Variants in ZBTB10 observed in about 807,000 individuals in gnomAD.
ZBTB10 encodes the protein zinc finger and BTB domain containing 10.
Under a neutral mutation model 76.4 loss-of-function variants are expected in ZBTB10, and 32 were observed. That is an observed-to-expected ratio of 0.42 (90% CI 0.32 to 0.56). The LOEUF is 0.56. ZBTB10 is among the 20% of genes least tolerant of loss of function. The pLI is 0.14. For synonymous variants in ZBTB10, 523 were observed against 432.9 expected, an observed-to-expected ratio of 1.21 and a Z score of -2.58; for missense variants, 1,057 against 1,098.5, an observed-to-expected ratio of 0.96 and a Z score of 0.53.
chr8:80,497,472 T>G (rs201825922), intron 1 of ZBTB10, among the ~76,000 whole-genome samples: 85 of 116,610 alleles, frequency 7.3e-4, no homozygotes, highest in Admixed American at 1.1e-3. Context: ...TATTATATGG[T>G]GGGGGGGGGC....
In ZBTB10 at chr8:80,525,514, C is replaced by T. The variant is rs1816544243; in HGVS notation, c.*5986C>T. The T allele has an allele frequency of 6.6e-6, 1 of 152,072 alleles. No individual in the cohort carries two copies. The highest frequency in any genetic ancestry group is 2.1e-4 in the South Asian group (1 of 4,824). The allele number at this position is 152,072 out of a possible 1,614,324, so 9.4% of individuals were successfully genotyped here. A position where few individuals can be genotyped will look rare whatever the true frequency, so the allele number is the denominator to read the frequency against. Reference sequence around the variant, plus strand: ...TAAACACAAGACAGTCTTCTTGGCGCAGGTCCTAACAGTTGGTGAGATAAT... The same window carrying T: ...TAAACACAAGACAGTCTTCTTGGCGTAGGTCCTAACAGTTGGTGAGATAAT... On this transcript the variant is annotated 3_prime_UTR_variant, in exon 6 of 6. Transcript: ENST00000455036.
chr8:80,511,600 G>C (rs1407725590), intron 2 of ZBTB10, among the ~76,000 whole-genome samples: 2 of 152,124 alleles, frequency 1.3e-5, no homozygotes, highest in Non-Finnish European at 2.9e-5. Flanking sequence ...CCATTCTCCC[G>C]CCTCAGCCTC....
chr8:80,493,203 G>GCACA lies in ZBTB10; in HGVS notation c.972+5422_972+5423insACAC, dbSNP rs1184343848. On this transcript the variant is annotated intron_variant, in intron 1 of 5. Coordinates refer to ENST00000455036, the MANE Select transcript of ZBTB10 (RefSeq NM_001105539.3). Reference sequence around the variant, plus strand: ...AGACTGTGCCTCAAAACGCGCGCGCGCGCGCACACACACACACACACACAC... The same window carrying GCACA: ...AGACTGTGCCTCAAAACGCGCGCGCGCACACGCGCACACACACACACACACACAC... Among the ~76,000 whole-genome samples, 24 of 107,824 alleles carry GCACA rather than the reference G, an allele frequency of 2.2e-4. No individual in the cohort carries two copies. In the East Asian group the frequency reaches 2.7e-3, roughly 12 times the overall value. 70.7% of individuals were successfully genotyped at this position (107,824 alleles called of 152,430 possible). A position where few individuals can be genotyped will look rare whatever the true frequency, so the allele number is the denominator to read the frequency against.
At chr8:80,500,525 A>G in intron 2 of ZBTB10, 143 bp downstream of exon 2, 2 of 828,210 alleles carry the variant, frequency 2.4e-6, no homozygotes, top group Non-Finnish European at 3.6e-6. Flanking sequence ...CGTCATTCAA[A>G]TGCATAACAT....
Position 80,524,284 on chromosome 8 carries a change from C to G in ZBTB10, c.*4756C>G, listed in dbSNP as rs1816505779. 1.3e-5 allele frequency: 2 copies of G among 152,012 alleles called. No individual in the cohort carries two copies. Among genetic ancestry groups the G allele is most frequent in the South Asian group, 2.1e-4 (1 of 4,828 alleles). 9.4% of individuals were successfully genotyped at this position (152,012 alleles called of 1,614,324 possible). The stretch of plus-strand genomic sequence containing the variant: ...AAAGTACATAAATGACAGACTACCT[C>G]CAAGTAATCCTGCTTTAATTAATAG... On this transcript the variant is annotated 3_prime_UTR_variant, in exon 6 of 6. Transcript: ENST00000455036.
intron 2 of ZBTB10, 145 bp from the exon 3 acceptor site, chr8:80,513,765 G>A: frequency 1.5e-6 from 1 of 646,746 alleles, no homozygotes; most frequent in Non-Finnish European, 2.7e-6. Flanking sequence ...AGGCTTCTGT[G>A]AGCCTTGTAG....
intron 2 of ZBTB10, among the ~76,000 whole-genome samples, chr8:80,503,308 G>A (rs370701303): frequency 1.4e-4 from 22 of 152,090 alleles, no homozygotes; most frequent in African/African-American, 4.6e-4. Context: ...TCAGTTTTCC[G>A]GTGCTGTGTA....
rs1354879780 is a variant in ZBTB10 at position 80,519,061 on chromosome 8, T to C, written c.2310+107T>C. ...TGTGAATTTAAGGAAGATTGTCTCCTAAATTGCTTTAAACAGTTTGACTTT... is the reference window on the plus strand; with the variant it reads ...TGTGAATTTAAGGAAGATTGTCTCCCAAATTGCTTTAAACAGTTTGACTTT... On this transcript the variant is annotated intron_variant, in intron 5 of 5. Transcript: ENST00000455036. 2.8e-6 allele frequency: 4 copies of C among 1,427,154 alleles called. No individual in the cohort carries two copies. In the African/African-American group the frequency reaches 5.8e-5, roughly 21 times the overall value. 88.4% of individuals were successfully genotyped at this position (1,427,154 alleles called of 1,614,324 possible).
intron 2 of ZBTB10, among the ~76,000 whole-genome samples, chr8:80,508,402 T>C (rs1816111543): frequency 6.6e-6 from 1 of 152,214 alleles, no homozygotes; most frequent in African/African-American, 2.4e-5. Flanking sequence ...TTTCCACATA[T>C]AATAGGAAAT....
rs1031312770 is a variant in ZBTB10 at position 80,487,244 on chromosome 8, C to A, written c.434C>A (p.Thr145Asn). Residue 145 changes from threonine to asparagine, a missense_variant, in exon 1 of 6, where the codon ACC becomes AAC. Thr to Asn is a moderately conservative substitution (Grantham distance 65, BLOSUM62 0). Transcript: ENST00000455036. ...NNGSSRGRPE[T>N]SVWPLRHFNG... ...GGCAGTAGCCGCGGCCGCCCCGAGA[C>A]CTCGGTGTGGCCCTTGAGGCATTTC... 9.0e-6 allele frequency: 14 copies of A among 1,549,758 alleles called. No homozygotes were observed. The highest frequency in any genetic ancestry group is 2.7e-5 in the African/African-American group (2 of 72,990).
In ZBTB10 at chr8:80,486,689, C is replaced by T. The variant is rs1815466874; in HGVS notation, c.-122C>T. ...CGGGCGAGAGGGCGAGGCCGAGCCC[C>T]GCGAGACCGGAACGCCGGGGGCGGG... is the stretch of plus-strand genomic sequence containing the variant. On this transcript the variant is annotated 5_prime_UTR_variant, in exon 1 of 6. Transcript: ENST00000455036. The T allele has an allele frequency of 2.0e-6, 2 of 993,494 alleles. No homozygotes were observed. Among genetic ancestry groups the T allele is most frequent in the South Asian group, 9.0e-5 (2 of 22,138 alleles). 61.5% of individuals were successfully genotyped at this position (993,494 alleles called of 1,614,324 possible).
chr8:80,504,913 T>C (rs1816012264), intron 2 of ZBTB10, among the ~76,000 whole-genome samples: 1 of 152,220 alleles, frequency 6.6e-6, no homozygotes, highest in South Asian at 2.1e-4. Context: ...ACACATGTTG[T>C]GTCCCGTTTA....
In ZBTB10 at chr8:80,520,256, C is replaced by T. The variant is rs568356246; in HGVS notation, c.*728C>T. ...AATGAAGAATGATGTTATGAAGTTA[C>T]CGTGGCGAAGTTGACAAATACCACT... On this transcript the variant is annotated 3_prime_UTR_variant, in exon 6 of 6. Coordinates refer to ENST00000455036, the MANE Select transcript of ZBTB10 (RefSeq NM_001105539.3). 1 of 152,386 alleles carries T rather than the reference C, an allele frequency of 6.6e-6. No homozygotes were observed. Among genetic ancestry groups the T allele is most frequent in the Non-Finnish European group, 1.5e-5 (1 of 67,922 alleles). 9.4% of individuals were successfully genotyped at this position (152,386 alleles called of 1,614,324 possible).
chr8:80,508,721 A>G (rs1241807717), intron 2 of ZBTB10, among the ~76,000 whole-genome samples: 1 of 152,130 alleles, frequency 6.6e-6, no homozygotes, highest in Non-Finnish European at 1.5e-5. Flanking sequence ...GATGGGAAGA[A>G]ATTGGAATAA....
chr8:80,509,267 G>A (rs1486758663), intron 2 of ZBTB10, among the ~76,000 whole-genome samples: 1 of 152,160 alleles, frequency 6.6e-6, no homozygotes, highest in Non-Finnish European at 1.5e-5. Flanking sequence ...AGAGAAACTT[G>A]TGCTAATATG....
chr8:80,485,863 G>A (rs1373951054), upstream of ZBTB10: 4 of 1,535,796 alleles, frequency 2.6e-6, no homozygotes, highest in African/African-American at 2.7e-5. Flanking sequence ...GAAGGAAAAT[G>A]CGCGTCCCGG....
intron 2 of ZBTB10, among the ~76,000 whole-genome samples, chr8:80,509,265 T>C (rs1430709673): frequency 1.3e-5 from 2 of 152,188 alleles, no homozygotes; most frequent in Non-Finnish European, 2.9e-5. Context: ...TAAGAGAAAC[T>C]TGTGCTAATA....
In ZBTB10 at chr8:80,525,080, G is replaced by A. The variant is rs1816532965; in HGVS notation, c.*5552G>A. 1 of 152,048 alleles carries A rather than the reference G, an allele frequency of 6.6e-6. No homozygotes were observed. The highest frequency in any genetic ancestry group is 2.4e-5 in the African/African-American group (1 of 41,408). The allele number at this position is 152,048 out of a possible 1,614,324, so 9.4% of individuals were successfully genotyped here. On this transcript the variant is annotated 3_prime_UTR_variant, in exon 6 of 6. Transcript: ENST00000455036. ...AAAAGGACATAATTTAGGAAATTAA[G>A]AATTTAGACACCAAGTTTGGCTTAA...
chr8:80,500,574 T>C (rs1029061419), intron 2 of ZBTB10, among the ~76,000 whole-genome samples, 192 bp downstream of exon 2: 4 of 152,198 alleles, frequency 2.6e-5, no homozygotes, highest in Non-Finnish European at 4.4e-5. Flanking sequence ...AACACATATA[T>C]ATGTGGGTTT....
Sources: allele counts gnomAD v4.1 joint callset (sites outside exome capture counted in the v4.1 genomes callset), GRCh38; gene constraint gnomAD v4.1.1; transcripts MANE v1.5; gene names NCBI Gene and HGNC (gene_info 2026-07-23, HGNC 2026-07-21).